The following SGCZ variants were observed in gnomAD, a reference collection of about 807,000 sequenced individuals.
The protein encoded by SGCZ is sarcoglycan zeta.
Under a neutral mutation model 41.3 loss-of-function variants are expected in SGCZ, and 40 were observed. That is an observed-to-expected ratio of 0.97 (90% CI 0.75 to 1.26). The LOEUF is 1.26. Among genes scored for constraint, SGCZ ranks in the 50% most tolerant of loss-of-function variants. SGCZ has a pLI of 0.00. For synonymous variants in SGCZ, 206 were observed against 137.5 expected, an observed-to-expected ratio of 1.50 and a Z score of -3.49; for missense variants, 552 against 369.8, an observed-to-expected ratio of 1.49 and a Z score of -4.04.
chr8:14,161,898 G>A (rs574357278), intron 5 of SGCZ, among the ~76,000 whole-genome samples: 8 of 152,092 alleles, frequency 5.3e-5, no homozygotes, highest in South Asian at 4.1e-4. Flanking sequence ...CACACACATA[G>A]ACACATTTTA....
At chr8:14,719,254 G>T (rs35608600) in intron 1 of SGCZ, among the ~76,000 whole-genome samples, 48,399 of 142,322 alleles carry the variant, frequency 0.34, 9,953 homozygotes, top group African/African-American at 0.58. Context: ...AGTCTATCAT[G>T]GTTGGACATT....
chr8:14,572,701 A>G (rs566469018), intron 1 of SGCZ, among the ~76,000 whole-genome samples: 1 of 152,266 alleles, frequency 6.6e-6, no homozygotes, highest in South Asian at 2.1e-4. Flanking sequence ...CATTTCCTTC[A>G]TACATCTGTA....
intron 1 of SGCZ, among the ~76,000 whole-genome samples, chr8:15,036,494 A>C (rs1389627981): frequency 3.9e-5 from 6 of 152,102 alleles, no homozygotes; most frequent in Admixed American, 3.9e-4. Flanking sequence ...TCAGTACAAC[A>C]AACCCCCATG....
chr8:14,658,043 A>C (rs1807630391), intron 1 of SGCZ, among the ~76,000 whole-genome samples: 1 of 152,148 alleles, frequency 6.6e-6, no homozygotes, highest in South Asian at 2.1e-4. Context: ...GGCAATTGAA[A>C]AATGCAGTTA....
intron 1 of SGCZ, among the ~76,000 whole-genome samples, chr8:15,008,159 A>G (rs1802675284): frequency 6.6e-6 from 1 of 152,072 alleles, no homozygotes; most frequent in African/African-American, 2.4e-5. Flanking sequence ...CTCTTTACAT[A>G]TCTCTGCACC....
At position 15,106,488 on chromosome 8, in the gene SGCZ, T is replaced by G. The variant is rs761159869; in HGVS notation, c.39+131097A>C. ...TATGTCCAGATAGGCTAAACATTTATGCCTAGACAGTCTAAATGTATTTGG... is the reference window on the plus strand; with the variant it reads ...TATGTCCAGATAGGCTAAACATTTAGGCCTAGACAGTCTAAATGTATTTGG... On this transcript the variant is annotated intron_variant, in intron 1 of 7. Transcript: ENST00000382080. Among the ~76,000 whole-genome samples, 128 of 152,252 alleles carry G rather than the reference T, an allele frequency of 8.4e-4. 1 individual carries two copies. Among genetic ancestry groups the G allele is most frequent in the Non-Finnish European group, 7.1e-4 (48 of 67,982 alleles).
chr8:15,003,585 G>C (rs1174280138), intron 1 of SGCZ, among the ~76,000 whole-genome samples: 1 of 152,090 alleles, frequency 6.6e-6, no homozygotes, highest in African/African-American at 2.4e-5. Flanking sequence ...TAAATAAATA[G>C]ACCAAACTAT....
rs1393136048 is a variant in SGCZ at position 15,119,070 on chromosome 8, T to C, written c.39+118515A>G. 2.0e-5 allele frequency among the ~76,000 whole-genome samples: 3 copies of C among 152,348 alleles called. No individual in the cohort carries two copies. The East Asian group carries it at 5.8e-4, about 29-fold the overall frequency. On this transcript the variant is annotated intron_variant, in intron 1 of 7. Transcript: ENST00000382080. ...CAATAAATTACAATTTGATACTTTT[T>C]TCAGAGGTAGATTTTCTGATTTATG...
At chr8:14,593,764 C>G (rs575817274) in intron 1 of SGCZ, among the ~76,000 whole-genome samples, 32 of 152,254 alleles carry the variant, frequency 2.1e-4, no homozygotes, top group Non-Finnish European at 4.4e-4. Context: ...TGAATTTTAT[C>G]CCTAGACTGC....
chr8:14,540,317 T>C (rs571324711), intron 2 of SGCZ, among the ~76,000 whole-genome samples: 29 of 150,756 alleles, frequency 1.9e-4, no homozygotes, highest in Middle Eastern at 3.4e-3. Context: ...GACCTTTTTT[T>C]CATTAGAGGT....
At chr8:14,371,405 C>A (rs1481683099) in intron 2 of SGCZ, among the ~76,000 whole-genome samples, 1 of 152,024 alleles carries the variant, frequency 6.6e-6, no homozygotes, top group Non-Finnish European at 1.5e-5. Context: ...TTAGCAATAA[C>A]CTTTGCTGTA....
In SGCZ at chr8:15,154,729, A is replaced by C. The variant is rs1406292312; in HGVS notation, c.39+82856T>G. On this transcript the variant is annotated intron_variant, in intron 1 of 7. Coordinates refer to ENST00000382080, the MANE Select transcript of SGCZ (RefSeq NM_139167.4). ...TAAAGTTGCACTTCAAGCAATTATA[A>C]ACAAAAAATGGGAGTATTTAGTAAT... Among the ~76,000 whole-genome samples, 3 of 152,318 alleles carry C rather than the reference A, an allele frequency of 2.0e-5. No homozygotes were observed. The East Asian group carries it at 5.8e-4, about 29-fold the overall frequency.
intron 1 of SGCZ, among the ~76,000 whole-genome samples, chr8:14,563,149 T>C (rs991297248): frequency 3.3e-5 from 5 of 152,164 alleles, no homozygotes; most frequent in Non-Finnish European, 7.3e-5. Context: ...TCCTCCACAG[T>C]GTGCTTCCTC....
At chr8:15,050,483 G>A (rs1804472516) in intron 1 of SGCZ, among the ~76,000 whole-genome samples, 1 of 152,166 alleles carries the variant, frequency 6.6e-6, no homozygotes, top group Non-Finnish European at 1.5e-5. Context: ...TTCTGGAGTT[G>A]CTTAGAGAAA....
At chr8:14,474,227 A>G (rs1276112445) in intron 2 of SGCZ, among the ~76,000 whole-genome samples, 1 of 152,246 alleles carries the variant, frequency 6.6e-6, no homozygotes, top group Non-Finnish European at 1.5e-5. Flanking sequence ...TGCTAAACAC[A>G]TGAAAACGAG....
intron 3 of SGCZ, among the ~76,000 whole-genome samples, chr8:14,290,317 C>A (rs1445157375): frequency 1.6e-5 from 1 of 63,346 alleles, no homozygotes; most frequent in Non-Finnish European, 4.2e-5. Flanking sequence ...ACATAGGCAA[C>A]AAAAGAAAAT....
intron 1 of SGCZ, among the ~76,000 whole-genome samples, chr8:14,831,550 A>G (rs1291150477): frequency 6.6e-6 from 1 of 152,096 alleles, no homozygotes; most frequent in Non-Finnish European, 1.5e-5. Context: ...ACTTTGGGAA[A>G]CATGTTCAAC....
intron 3 of SGCZ, among the ~76,000 whole-genome samples, chr8:14,320,094 G>A (rs2117022046): frequency 6.6e-6 from 1 of 151,888 alleles, no homozygotes; most frequent in South Asian, 2.1e-4. Flanking sequence ...ATATGTTCAT[G>A]AAATGTTAAC....
chr8:14,102,593 A>T (rs1322385277), intron 6 of SGCZ, 94 bp from the exon 7 acceptor site: 13 of 1,129,552 alleles, frequency 1.2e-5, no homozygotes, highest in Non-Finnish European at 1.5e-5. Context: ...AGAAGACAAC[A>T]TTGGTCAAAA....
Sources: allele counts gnomAD v4.1 joint callset (sites outside exome capture counted in the v4.1 genomes callset), GRCh38; gene constraint gnomAD v4.1.1; transcripts MANE v1.5; gene names NCBI Gene and HGNC (gene_info 2026-07-23, HGNC 2026-07-21).